Variants in STXBP5 observed in about 807,000 individuals in gnomAD.
The protein encoded by STXBP5 is syntaxin-binding protein 5.
In STXBP5, 50 loss-of-function variants were observed where a neutral mutation model predicts 152.4. That is an observed-to-expected ratio of 0.33 (90% CI 0.26 to 0.42). STXBP5 has a LOEUF of 0.42. STXBP5 is among the 10% of genes least tolerant of loss of function. STXBP5 has a pLI of 1.00. For missense variants in STXBP5, 1,167 were observed against 1,388.6 expected (o/e 0.84, Z 2.54); for synonymous variants, 492 against 494.7 (o/e 0.99, Z 0.07).
intron 2 of STXBP5, among the ~76,000 whole-genome samples, chr6:147,217,638 T>C (rs560315129): frequency 6.6e-6 from 1 of 152,294 alleles, no homozygotes; most frequent in South Asian, 2.1e-4. Context: ...AATAAAAAAT[T>C]TCTTACTAAA....
chr6:147,354,672 T>G (rs1554219233), intron 22 of STXBP5, among the ~76,000 whole-genome samples: 1 of 152,178 alleles, frequency 6.6e-6, no homozygotes, highest in Non-Finnish European at 1.5e-5. Context: ...TTTAAAATTA[T>G]AAAAAATACC....
intron 10 of STXBP5, among the ~76,000 whole-genome samples, 167 bp downstream of exon 10, chr6:147,310,405 A>C (rs1782306394): frequency 6.6e-6 from 1 of 152,198 alleles, no homozygotes; most frequent in South Asian, 2.1e-4. Context: ...GTGGTTTAAT[A>C]AATTTAATCT....
chr6:147,339,535 C>T (rs1783996378), intron 21 of STXBP5, among the ~76,000 whole-genome samples, 151 bp downstream of exon 21: 1 of 151,930 alleles, frequency 6.6e-6, no homozygotes, highest in Non-Finnish European at 1.5e-5. Context: ...CTTCTAAACT[C>T]ATTGGGGCAA....
At chr6:147,264,841 A>G (rs1420714752) in intron 6 of STXBP5, among the ~76,000 whole-genome samples, 2 of 152,124 alleles carry the variant, frequency 1.3e-5, no homozygotes, top group Non-Finnish European at 2.9e-5. Flanking sequence ...TTATGGGCAT[A>G]AAACTCTAAC....
chr6:147,218,373 A>G (rs1054040894), intron 2 of STXBP5, among the ~76,000 whole-genome samples: 1 of 152,086 alleles, frequency 6.6e-6, no homozygotes, highest in Non-Finnish European at 1.5e-5. Flanking sequence ...ATATTTAAGT[A>G]TTTCATTTTT....
chr6:147,320,559 G>GTC (rs1782877293), intron 16 of STXBP5, among the ~76,000 whole-genome samples: 1 of 95,564 alleles, frequency 1.0e-5, no homozygotes, highest in Non-Finnish European at 1.9e-5. Flanking sequence ...TTGAGTGTGT[G>GTC]TGTGTGTGTG....
At chr6:147,334,447 T>C (rs1395706946) in intron 19 of STXBP5, among the ~76,000 whole-genome samples, 1 of 152,196 alleles carries the variant, frequency 6.6e-6, no homozygotes, top group Non-Finnish European at 1.5e-5. Context: ...CTGAGAATCA[T>C]GTAATTGTTT....
chr6:147,286,526 T>A (rs1251138618), intron 8 of STXBP5, among the ~76,000 whole-genome samples: 1 of 152,172 alleles, frequency 6.6e-6, no homozygotes, highest in Non-Finnish European at 1.5e-5. Context: ...CAGTTATAGC[T>A]CAGTAGAGCT....
At position 147,385,744 on chromosome 6, in the gene STXBP5, C is replaced by T. The variant is rs1306419208; in HGVS notation, c.*989C>T. ...TTAAAATTGCTTAAAAAAAAACTTT[C>T]ATTATTTCAGTAAAATGCTCAGCTC... On this transcript the variant is annotated 3_prime_UTR_variant, in exon 28 of 28. Coordinates refer to ENST00000321680, the MANE Select transcript of STXBP5 (RefSeq NM_001127715.4). 1 of 151,526 alleles carries T rather than the reference C, an allele frequency of 6.6e-6. No homozygotes were observed. Among genetic ancestry groups the T allele is most frequent in the Middle Eastern group, 3.4e-3 (1 of 292 alleles). The allele number at this position is 151,526 out of a possible 1,614,324, so 9.4% of individuals were successfully genotyped here.
intron 25 of STXBP5, among the ~76,000 whole-genome samples, chr6:147,366,214 C>T (rs1042478284): frequency 6.6e-5 from 10 of 152,180 alleles, no homozygotes; most frequent in African/African-American, 9.7e-5. Context: ...GTATACCATA[C>T]GTGCTATTCA....
intron 21 of STXBP5, among the ~76,000 whole-genome samples, chr6:147,343,635 T>G (rs916447183): frequency 6.6e-6 from 1 of 152,210 alleles, no homozygotes; most frequent in Non-Finnish European, 1.5e-5. Flanking sequence ...GCTTTTGCTT[T>G]CTTATGTGAT....
intron 22 of STXBP5, among the ~76,000 whole-genome samples, chr6:147,357,894 G>A (rs1784884421): frequency 6.6e-6 from 1 of 152,110 alleles, no homozygotes; most frequent in African/African-American, 2.4e-5. Flanking sequence ...CTGGAAAAAA[G>A]TCAAAGAAGT....
intron 21 of STXBP5, among the ~76,000 whole-genome samples, chr6:147,348,111 C>T (rs140623481): frequency 1.1e-4 from 16 of 152,272 alleles, no homozygotes; most frequent in Admixed American, 2.0e-4. Context: ...CCCAGCTTTA[C>T]ACTAAAGTAC....
At chr6:147,326,079 G>C (rs1783240474) in intron 17 of STXBP5, among the ~76,000 whole-genome samples, 1 of 152,086 alleles carries the variant, frequency 6.6e-6, no homozygotes, top group Admixed American at 6.6e-5. Flanking sequence ...TAGTATCTGT[G>C]GGGGTCCTGG....
chr6:147,389,902 AC>A lies in STXBP5; in HGVS notation c.*5149del. ...ACCTCTATTCCACATGATAGTTAGA[AC>A]CAGAAAAACACTTTTGCTTTCTAGT... On this transcript the variant is annotated 3_prime_UTR_variant, in exon 28 of 28. Transcript: ENST00000321680. The A allele has an allele frequency of 6.6e-6, 1 of 151,794 alleles. No homozygotes were observed. The highest frequency in any genetic ancestry group is 1.5e-5 in the Non-Finnish European group (1 of 67,816). 9.4% of individuals were successfully genotyped at this position (151,794 alleles called of 1,614,324 possible). A position where few individuals can be genotyped will look rare whatever the true frequency, so the allele number is the denominator to read the frequency against.
At chr6:147,363,094 T>C (rs1785137838) in intron 23 of STXBP5, among the ~76,000 whole-genome samples, 1 of 152,226 alleles carries the variant, frequency 6.6e-6, no homozygotes, top group Non-Finnish European at 1.5e-5. Context: ...AAATTTATCA[T>C]ATGTAATTAA....
At chr6:147,291,982 A>G (rs1781296955) in intron 9 of STXBP5, among the ~76,000 whole-genome samples, 1 of 152,192 alleles carries the variant, frequency 6.6e-6, no homozygotes, top group African/African-American at 2.4e-5. Context: ...AGATTCTCAG[A>G]TTCCACCCTA....
chr6:147,322,183 A>C (rs1182992931), intron 16 of STXBP5, among the ~76,000 whole-genome samples: 2 of 152,202 alleles, frequency 1.3e-5, no homozygotes, highest in Non-Finnish European at 2.9e-5. Flanking sequence ...TAATTCATAG[A>C]AGTAGAAGAT....
intron 22 of STXBP5, among the ~76,000 whole-genome samples, chr6:147,357,486 A>C (rs566504218): frequency 5.9e-5 from 9 of 152,168 alleles, no homozygotes; most frequent in Non-Finnish European, 1.2e-4. Flanking sequence ...GATTATAAGC[A>C]TGATTAAAAA....
Sources: allele counts gnomAD v4.1 joint callset (sites outside exome capture counted in the v4.1 genomes callset), GRCh38; gene constraint gnomAD v4.1.1; transcripts MANE v1.5; gene names NCBI Gene and HGNC (gene_info 2026-07-23, HGNC 2026-07-21).